SAXO5: variants seen among roughly 807,000 people sequenced by gnomAD.
The protein encoded by SAXO5 is stabilizer of axonemal microtubules 5.
At chr19:7,506,903 T>C in the SAXO5 span, 1 of 581,272 alleles carries the variant, frequency 1.7e-6, no homozygotes. Context: ...CTTTGGCTCC[T>C]CCCTCCCCCC....
the SAXO5 span, chr19:7,504,093 T>TCTCC: frequency 1.3e-6 from 2 of 1,498,658 alleles, no homozygotes; most frequent in Non-Finnish European, 1.9e-6. Flanking sequence ...TCTCTCTCTC[T>TCTCC]CCCCCCATCC....
At chr19:7,508,104 G>T in the SAXO5 span, 1 of 932,026 alleles carries the variant, frequency 1.1e-6, no homozygotes, top group South Asian at 1.6e-5. Flanking sequence ...GCCCTGCCTG[G>T]CCCCGCCCCC....
At chr19:7,506,021 CAT>C in the SAXO5 span, 1 of 1,612,256 alleles carries the variant, frequency 6.2e-7, no homozygotes, top group Non-Finnish European at 8.5e-7. Flanking sequence ...ATTGCAGAGT[CAT>C]GTGACCCTAG....
the SAXO5 span, chr19:7,506,179 G>T: frequency 6.4e-7 from 1 of 1,557,414 alleles, no homozygotes. Flanking sequence ...AGCGCTCCCG[G>T]GAAGCCCCGC....
the SAXO5 span, chr19:7,507,259 G>A: frequency 3.4e-6 from 3 of 881,582 alleles, no homozygotes; most frequent in Non-Finnish European, 5.4e-6. Flanking sequence ...CAGGCTCGGG[G>A]GCATCTTAAT....
chr19:7,507,481 G>A, the SAXO5 span, among the ~76,000 whole-genome samples: 1 of 152,068 alleles, frequency 6.6e-6, no homozygotes, highest in South Asian at 2.1e-4. Context: ...TACTAGGGAG[G>A]CTGAGACAGA....
the SAXO5 span, chr19:7,504,189 G>C: frequency 1.2e-6 from 2 of 1,613,952 alleles, no homozygotes; most frequent in South Asian, 2.2e-5. Context: ...ACAGTTCCAG[G>C]CCCTGCCAGG....
the SAXO5 span, among the ~76,000 whole-genome samples, chr19:7,500,159 T>C: frequency 6.6e-6 from 1 of 152,086 alleles, no homozygotes; most frequent in Non-Finnish European, 1.5e-5. Flanking sequence ...CCATTATCAA[T>C]TCCACAAAGG....
the SAXO5 span, chr19:7,500,699 G>A: frequency 2.2e-6 from 2 of 912,014 alleles, no homozygotes; most frequent in Non-Finnish European, 3.1e-6. Context: ...CTCAGTGCTT[G>A]GCGAACAGAA....
the SAXO5 span, among the ~76,000 whole-genome samples, chr19:7,501,655 C>G: frequency 3.3e-5 from 5 of 150,778 alleles, no homozygotes; most frequent in Admixed American, 2.0e-4. Context: ...AACCCCGCCT[C>G]TACTAAAATA....
At chr19:7,504,287 C>T in the SAXO5 span, 2 of 1,613,764 alleles carry the variant, frequency 1.2e-6, no homozygotes. Flanking sequence ...TGGTTTGGGC[C>T]TTCCTATCCC....
the SAXO5 span, chr19:7,506,618 C>T: frequency 5.7e-6 from 2 of 352,100 alleles, no homozygotes; most frequent in African/African-American, 2.2e-5. Flanking sequence ...CCGCCCCTGA[C>T]CTTCTTAGCC....
chr19:7,500,753 G>A, the SAXO5 span: 20 of 1,334,260 alleles, frequency 1.5e-5, no homozygotes, highest in Non-Finnish European at 1.7e-5. Context: ...AGGAGTCAAA[G>A]GCAAGTGCCC....
At chr19:7,506,532 T>A in the SAXO5 span, 2 of 359,046 alleles carry the variant, frequency 5.6e-6, no homozygotes, top group Non-Finnish European at 1.1e-5. Context: ...CCTCTTCCAT[T>A]GTCAGACTCT....
the SAXO5 span, chr19:7,507,182 C>A: frequency 7.2e-6 from 11 of 1,526,938 alleles, no homozygotes; most frequent in Non-Finnish European, 1.0e-5. Context: ...TTAGGCAACC[C>A]CCACATTGGT....
chr19:7,507,413 T>C, the SAXO5 span, among the ~76,000 whole-genome samples: 198 of 152,066 alleles, frequency 1.3e-3, no homozygotes, highest in Admixed American at 4.2e-3. Context: ...TGAAACCCCG[T>C]CTCTACTAAA....
the SAXO5 span, chr19:7,505,348 C>T: frequency 6.2e-7 from 1 of 1,614,242 alleles, no homozygotes; most frequent in Non-Finnish European, 8.5e-7. Context: ...AGGCCACAGC[C>T]CACATCCACT....
chr19:7,506,404 C>T, the SAXO5 span: 1 of 566,746 alleles, frequency 1.8e-6, no homozygotes, highest in South Asian at 1.8e-5. Flanking sequence ...TTGACCAGAA[C>T]CCCAACTCTG....
chr19:7,506,147 C>G, the SAXO5 span: 1 of 1,607,818 alleles, frequency 6.2e-7, no homozygotes, highest in African/African-American at 1.3e-5. Context: ...GCAAAGCTAC[C>G]TGCCGCGGGG....
Sources: gnomAD v4.1 joint callset for allele counts (sites outside exome capture counted in the v4.1 genomes callset) on GRCh38, gnomAD v4.1.1 for gene constraint, MANE v1.5 for transcripts, NCBI Gene and HGNC (gene_info 2026-07-23, HGNC 2026-07-21) for gene names.